CAB39: variants seen among roughly 807,000 people sequenced by gnomAD.
The protein encoded by CAB39 is calcium binding protein 39.
A neutral mutation model predicts 40.0 loss-of-function variants in CAB39; 8 were observed. That is an observed-to-expected ratio of 0.20 (90% confidence interval 0.12 to 0.36). CAB39 has a LOEUF of 0.36. Among genes scored for constraint, CAB39 ranks in the 10% least tolerant of loss-of-function variants. The probability of loss-of-function intolerance (pLI) is 1.00; values close to 1 mark genes in which losing one functional copy is unlikely to be tolerated. For missense variants in CAB39, 270 were observed against 401.1 expected, an observed-to-expected ratio of 0.67 and a Z score of 2.79; for synonymous variants, 156 against 141.6, an observed-to-expected ratio of 1.10 and a Z score of -0.72.
At chr2:230,794,870 A>G (rs1401283638) in intron 4 of CAB39, among the ~76,000 whole-genome samples, 1 of 152,204 alleles carries the variant, frequency 6.6e-6, no homozygotes, top group African/African-American at 2.4e-5. Flanking sequence ...AGTACGCATT[A>G]CAAAACACAG....
intron 1 of CAB39, among the ~76,000 whole-genome samples, chr2:230,740,085 GT>G (rs2124888125): frequency 6.6e-6 from 1 of 152,236 alleles, no homozygotes; most frequent in South Asian, 2.1e-4. Flanking sequence ...GGTGACTCTT[GT>G]TTTCTTTTTA....
At chr2:230,726,170 ATTT>A (rs995191302) in intron 1 of CAB39, among the ~76,000 whole-genome samples, 2 of 148,148 alleles carry the variant, frequency 1.3e-5, no homozygotes, top group South Asian at 2.1e-4. Context: ...AATTTAATTA[ATTT>A]TTTTTTTTAG....
At chr2:230,768,469 G>A (rs1321015678) in intron 2 of CAB39, among the ~76,000 whole-genome samples, 2 of 152,174 alleles carry the variant, frequency 1.3e-5, no homozygotes, top group South Asian at 2.1e-4. Context: ...CATAACTGAT[G>A]GATGTGATGA....
chr2:230,806,088 G>A (rs1056912297), intron 5 of CAB39, among the ~76,000 whole-genome samples: 2 of 152,166 alleles, frequency 1.3e-5, no homozygotes, highest in African/African-American at 2.4e-5. Flanking sequence ...ATATGGGATG[G>A]AGGAATAACA....
chr2:230,754,848 T>TC (rs1212037901), intron 1 of CAB39, among the ~76,000 whole-genome samples: 1 of 152,110 alleles, frequency 6.6e-6, no homozygotes, highest in African/African-American at 2.4e-5. Context: ...CTCGCCCGCT[T>TC]CCCCACAAGT....
intron 1 of CAB39, among the ~76,000 whole-genome samples, chr2:230,720,662 C>T (rs950855494): frequency 2.6e-5 from 4 of 152,122 alleles, no homozygotes; most frequent in East Asian, 1.9e-4. Flanking sequence ...CCTTGTGATC[C>T]GCCCACCTCG....
chr2:230,720,375 T>TCACC (rs891165912), intron 1 of CAB39, among the ~76,000 whole-genome samples: 4 of 152,198 alleles, frequency 2.6e-5, no homozygotes, highest in African/African-American at 9.7e-5. Context: ...AGGGTGATAT[T>TCACC]CACCACCCAT....
chr2:230,761,598 G>A (rs1202012988), intron 2 of CAB39, among the ~76,000 whole-genome samples: 1 of 152,156 alleles, frequency 6.6e-6, no homozygotes, highest in Admixed American at 6.5e-5. Flanking sequence ...TGAGTTTGAG[G>A]AGTATACAAC....
intron 1 of CAB39, among the ~76,000 whole-genome samples, chr2:230,738,017 A>C (rs1694816452): frequency 1.3e-5 from 2 of 152,206 alleles, no homozygotes; most frequent in Admixed American, 1.3e-4. Context: ...TGACGAAATT[A>C]CAAAGTCATT....
intron 2 of CAB39, among the ~76,000 whole-genome samples, chr2:230,773,169 A>G (rs894753051): frequency 2.0e-5 from 3 of 152,114 alleles, no homozygotes; most frequent in Non-Finnish European, 2.9e-5. Context: ...TTTAGCTTTG[A>G]TAAAGATGTT....
At chr2:230,818,284 G>A in intron 8 of CAB39, 1 of 512,960 alleles carries the variant, frequency 1.9e-6, no homozygotes, top group East Asian at 3.2e-5. Context: ...ACTAAACACT[G>A]TGTTGCAGGG....
Position 230,713,216 on chromosome 2 carries a change from GC to G in CAB39, c.-55del, listed in dbSNP as rs1694281618. 2.0e-5 allele frequency: 3 copies of G among 152,306 alleles called. No individual in the cohort carries two copies. Among genetic ancestry groups the G allele is most frequent in the African/African-American group, 7.2e-5 (3 of 41,562 alleles). 9.4% of individuals were successfully genotyped at this position (152,306 alleles called of 1,614,324 possible). On this transcript the variant is annotated 5_prime_UTR_variant, in exon 1 of 9. Coordinates refer to ENST00000258418, the MANE Select transcript of CAB39 (RefSeq NM_016289.4). The stretch of plus-strand genomic sequence containing the variant: ...ACGACGCGGAGGCAGAGAAGGGAAC[GC>G]CCGGCCCAGCCCCGTGAGTGACCCC...
chr2:230,776,571 T>C (rs1475429212), intron 2 of CAB39, among the ~76,000 whole-genome samples: 3 of 152,204 alleles, frequency 2.0e-5, no homozygotes, highest in Non-Finnish European at 2.9e-5. Context: ...TGAGATGGGC[T>C]TTCTTCCACT....
intron 1 of CAB39, among the ~76,000 whole-genome samples, chr2:230,717,862 G>A (rs1430984472): frequency 5.3e-5 from 8 of 152,218 alleles, no homozygotes; most frequent in Non-Finnish European, 1.2e-4. Context: ...TGCAGAGGAA[G>A]GCAGGATGGC....
intron 1 of CAB39, among the ~76,000 whole-genome samples, chr2:230,750,466 C>T (rs1321565055): frequency 2.6e-5 from 4 of 152,170 alleles, no homozygotes; most frequent in South Asian, 2.1e-4. Context: ...CCTCCAGAAT[C>T]GTGAGCTAAA....
At chr2:230,790,673 A>G (rs1419084423) in intron 2 of CAB39, among the ~76,000 whole-genome samples, 199 bp from the exon 3 acceptor site, 1 of 152,122 alleles carries the variant, frequency 6.6e-6, no homozygotes, top group East Asian at 1.9e-4. Context: ...CCTGTGGTGT[A>G]TGCATGTTGG....
At position 230,817,777 on chromosome 2, in the gene CAB39, T is replaced by A. The variant is rs773982954; in HGVS notation, c.717T>A (p.Asp239Glu). 9 of 1,609,042 alleles carry A rather than the reference T, an allele frequency of 5.6e-6. No individual in the cohort carries two copies. The Admixed American group carries it at 1.5e-4, about 27-fold the overall frequency. Residue 239 changes from aspartate to glutamate, a missense_variant, in exon 8 of 9, where the codon GAT (aspartate) becomes GAA (glutamate). Physicochemically the swap from Asp to Glu is conservative, Grantham distance 45. Coordinates refer to ENST00000258418, the MANE Select transcript of CAB39 (RefSeq NM_016289.4). The stretch of plus-strand genomic sequence containing the variant: ...AGCTTCTCGGTGAACTACTACTAGA[T>A]AGACACAACTTCACAATTATGACAA... ...SLKLLGELLL[D>E]RHNFTIMTKY...
At chr2:230,720,586 C>T (rs1357360947) in intron 1 of CAB39, among the ~76,000 whole-genome samples, 1 of 152,132 alleles carries the variant, frequency 6.6e-6, no homozygotes, top group Non-Finnish European at 1.5e-5. Context: ...CAGGTGCGCG[C>T]CACCATGCAT....
intron 1 of CAB39, among the ~76,000 whole-genome samples, chr2:230,738,952 T>C (rs546499000): frequency 2.0e-5 from 3 of 152,390 alleles, no homozygotes; most frequent in South Asian, 2.1e-4. Flanking sequence ...GGTATGACTT[T>C]AGAACCATAG....
Sources: gnomAD v4.1 joint callset for allele counts (sites outside exome capture counted in the v4.1 genomes callset) on GRCh38, gnomAD v4.1.1 for gene constraint, MANE v1.5 for transcripts, NCBI Gene and HGNC (gene_info 2026-07-23, HGNC 2026-07-21) for gene names.